Variants in CNTNAP5 observed in about 807,000 individuals in gnomAD.
CNTNAP5 encodes contactin-associated protein-like 5.
CNTNAP5 carries 72 observed loss-of-function variants against 150.2 expected under a neutral mutation model. The ratio of observed to expected loss-of-function variants is 0.48; its 90% CI spans 0.40 to 0.58. The LOEUF (loss-of-function observed/expected upper bound fraction) is 0.58. Among genes scored for constraint, CNTNAP5 ranks in the 20% least tolerant of loss-of-function variants. CNTNAP5 has a pLI of 0.00. For missense variants in CNTNAP5, 1,636 were observed against 1,626.2 expected (o/e 1.01, Z -0.10); for synonymous variants, 672 against 619.8 (o/e 1.08, Z -1.25).
chr2:124,556,694 G>A (rs552235754), intron 10 of CNTNAP5, among the ~76,000 whole-genome samples: 4 of 152,208 alleles, frequency 2.6e-5, no homozygotes, highest in East Asian at 3.9e-4. Context: ...AGCTTCTGAA[G>A]GCCCAGCCAG....
intron 19 of CNTNAP5, among the ~76,000 whole-genome samples, chr2:124,816,677 C>T (rs1015415986): frequency 6.6e-6 from 1 of 151,824 alleles, no homozygotes. Context: ...GAGGTTTCAC[C>T]ATGTTGGTCA....
At chr2:124,483,688 T>A (rs1693807185) in intron 7 of CNTNAP5, among the ~76,000 whole-genome samples, 1 of 152,242 alleles carries the variant, frequency 6.6e-6, no homozygotes, top group African/African-American at 2.4e-5. Context: ...GTATACAACA[T>A]GGCATAACTT....
At chr2:124,422,651 T>G (rs1692135833) in intron 4 of CNTNAP5, among the ~76,000 whole-genome samples, 1 of 152,192 alleles carries the variant, frequency 6.6e-6, no homozygotes, top group Admixed American at 6.5e-5. Context: ...ACTTTTTTTA[T>G]TCACAAAATC....
intron 1 of CNTNAP5, among the ~76,000 whole-genome samples, chr2:124,186,950 T>G (rs1483371420): frequency 6.6e-6 from 1 of 152,172 alleles, no homozygotes; most frequent in Non-Finnish European, 1.5e-5. Flanking sequence ...AGGGTCTGCT[T>G]TGTTCAAAGG....
intron 10 of CNTNAP5, among the ~76,000 whole-genome samples, chr2:124,535,715 T>C (rs1695215606): frequency 6.6e-6 from 1 of 151,764 alleles, no homozygotes; most frequent in Non-Finnish European, 1.5e-5. Context: ...AAGCAGAGGT[T>C]GCAGTGAGCC....
chr2:124,039,941 C>T (rs370753529), intron 1 of CNTNAP5, among the ~76,000 whole-genome samples: 36 of 151,782 alleles, frequency 2.4e-4, no homozygotes, highest in East Asian at 2.3e-3. Flanking sequence ...TGTGCATATC[C>T]GCTATGTAAA....
intron 1 of CNTNAP5, among the ~76,000 whole-genome samples, chr2:124,213,988 C>G (rs901057048): frequency 6.6e-6 from 1 of 152,158 alleles, no homozygotes; most frequent in Non-Finnish European, 1.5e-5. Flanking sequence ...AGTTTAGAAG[C>G]AGGTTTCAAC....
intron 13 of CNTNAP5, among the ~76,000 whole-genome samples, chr2:124,667,828 C>T (rs1180136484): frequency 1.3e-5 from 2 of 152,128 alleles, no homozygotes; most frequent in Non-Finnish European, 2.9e-5. Context: ...AAGTGATAAT[C>T]GTTCCTGCTT....
chr2:124,742,786 A>G (rs907724067), intron 13 of CNTNAP5, among the ~76,000 whole-genome samples: 1 of 152,106 alleles, frequency 6.6e-6, no homozygotes, highest in East Asian at 1.9e-4. Flanking sequence ...CCCTGCTTAC[A>G]GAGGACCTTG....
intron 23 of CNTNAP5, among the ~76,000 whole-genome samples, chr2:124,912,932 C>T (rs752876428): frequency 6.6e-6 from 1 of 151,978 alleles, no homozygotes; most frequent in Non-Finnish European, 1.5e-5. Context: ...CATAGACTTG[C>T]TAACTTAGAT....
chr2:124,509,474 A>G (rs921140447), intron 8 of CNTNAP5, among the ~76,000 whole-genome samples: 2 of 152,184 alleles, frequency 1.3e-5, no homozygotes, highest in African/African-American at 4.8e-5. Context: ...GCCATTGTAG[A>G]TCTTCTGCCA....
intron 7 of CNTNAP5, among the ~76,000 whole-genome samples, chr2:124,477,267 T>TG (rs1244864580): frequency 6.6e-6 from 1 of 152,168 alleles, no homozygotes; most frequent in African/African-American, 2.4e-5. Flanking sequence ...GAACAAACTA[T>TG]GGCTTAAATG....
rs1422034750 is a variant in CNTNAP5 at position 124,740,578 on chromosome 2, A to G, written c.2078-6651A>G. On this transcript the variant is annotated intron_variant, in intron 13 of 23. Coordinates refer to ENST00000682447, the MANE Select transcript of CNTNAP5 (RefSeq NM_001367498.1). ...GGAAAGACACTAGCGGTTTCTAACCATATTGCAAACACCTTGAAATTAGAG... is the reference window on the plus strand; with the variant it reads ...GGAAAGACACTAGCGGTTTCTAACCGTATTGCAAACACCTTGAAATTAGAG... Among the ~76,000 whole-genome samples, 4 of 152,208 alleles carry G rather than the reference A, an allele frequency of 2.6e-5. No homozygotes were observed. In the East Asian group the frequency reaches 7.7e-4, roughly 29 times the overall value.
chr2:124,706,001 T>TCATTCTG (rs1430341521), intron 13 of CNTNAP5, among the ~76,000 whole-genome samples: 3 of 152,156 alleles, frequency 2.0e-5, no homozygotes, highest in Non-Finnish European at 4.4e-5. Context: ...ACCTAACAGC[T>TCATTCTG]CATTCTGCCC....
chr2:124,611,999 A>G (rs775725666), intron 12 of CNTNAP5, among the ~76,000 whole-genome samples: 9 of 152,232 alleles, frequency 5.9e-5, no homozygotes, highest in Non-Finnish European at 1.3e-4. Context: ...TCTGTGACTA[A>G]CAGTCAAGAC....
intron 3 of CNTNAP5, among the ~76,000 whole-genome samples, chr2:124,347,003 C>A (rs746541577): frequency 1.3e-5 from 2 of 151,580 alleles, no homozygotes; most frequent in Admixed American, 6.6e-5. Context: ...GTAGGAGAAC[C>A]CTTGAACCCC....
chr2:124,572,927 C>T (rs144191773), intron 11 of CNTNAP5, among the ~76,000 whole-genome samples: 4 of 152,244 alleles, frequency 2.6e-5, no homozygotes, highest in African/African-American at 4.8e-5. Context: ...CTTATTCTAC[C>T]GTATAAAAAT....
At chr2:124,027,144 C>G (rs536492918) in intron 1 of CNTNAP5, among the ~76,000 whole-genome samples, 1 of 152,296 alleles carries the variant, frequency 6.6e-6, no homozygotes, top group Non-Finnish European at 1.5e-5. Flanking sequence ...TATGTAGGAG[C>G]CGTTGGAATC....
intron 13 of CNTNAP5, among the ~76,000 whole-genome samples, chr2:124,736,667 G>T (rs1325017840): frequency 6.6e-6 from 1 of 152,144 alleles, no homozygotes; most frequent in Non-Finnish European, 1.5e-5. Flanking sequence ...AAAAGCACTT[G>T]ATTTCTTCAA....
Sources: gnomAD v4.1 joint callset for allele counts (sites outside exome capture counted in the v4.1 genomes callset) on GRCh38, gnomAD v4.1.1 for gene constraint, MANE v1.5 for transcripts, NCBI Gene and HGNC (gene_info 2026-07-23, HGNC 2026-07-21) for gene names.